SECISBP2: variants seen among roughly 807,000 people sequenced by gnomAD.
SECISBP2 encodes SECIS binding protein 2, also known as selenocysteine insertion sequence-binding protein 2.
In SECISBP2, 96 loss-of-function variants were observed where a neutral mutation model predicts 98.2. That is an observed-to-expected ratio of 0.98 (90% CI 0.83 to 1.16). The LOEUF (loss-of-function observed/expected upper bound fraction) is 1.16, where lower values mean the gene tolerates loss of function less well. Among genes scored for constraint, SECISBP2 ranks in the 50% most tolerant of loss-of-function variants. SECISBP2 has a pLI of 0.00. For synonymous variants in SECISBP2, 407 were observed against 370.2 expected, an observed-to-expected ratio of 1.10 and a Z score of -1.14; for missense variants, 1,046 against 1,022.9, an observed-to-expected ratio of 1.02 and a Z score of -0.31.
At chr9:89,358,300 A>G (rs1832412384) in intron 16 of SECISBP2, 109 bp downstream of exon 16, 1 of 1,157,132 alleles carries the variant, frequency 8.6e-7, no homozygotes, top group Non-Finnish European at 1.3e-6. Flanking sequence ...CCAGCTGAGT[A>G]GCAGGGCCTG....
At chr9:89,319,585 C>G (rs1825332294) in intron 1 of SECISBP2, 67 bp from the exon 2 acceptor site, 6 of 1,577,696 alleles carry the variant, frequency 3.8e-6, no homozygotes, top group Admixed American at 1.7e-5. Flanking sequence ...CCTCTTGGGT[C>G]TTTTTGTTTG....
In SECISBP2 at chr9:89,341,481, T is replaced by TAAGA; in HGVS notation, c.1435+3_1435+6dup. 6.2e-7 allele frequency: 1 copy of TAAGA among 1,614,146 alleles called. No homozygotes were observed. The highest frequency in any genetic ancestry group is 1.7e-5 in the Admixed American group (1 of 60,024). ...CCTCCAAACCAGTGGTAGTCTCAGGTAAGAGAGTCTTTCCATCTCAGGCAA... is the reference window on the plus strand; with the variant it reads ...CCTCCAAACCAGTGGTAGTCTCAGGTAAGAAAGAGAGTCTTTCCATCTCAGGCAA... On this transcript the variant is annotated splice_region_variant and intron_variant, in intron 10 of 16. Transcript: ENST00000375807.
downstream of SECISBP2, among the ~76,000 whole-genome samples, chr9:89,359,927 A>G (rs1832635512): frequency 1.3e-5 from 2 of 152,114 alleles, no homozygotes; most frequent in Admixed American, 1.3e-4. Flanking sequence ...TGCTTTTTGT[A>G]TTGTTTTGGC....
chr9:89,326,643 T>A (rs1826751930), intron 4 of SECISBP2, among the ~76,000 whole-genome samples: 1 of 152,222 alleles, frequency 6.6e-6, no homozygotes, highest in African/African-American at 2.4e-5. Context: ...AGAATTATAG[T>A]CATGCCTCAC....
Position 89,336,081 on chromosome 9 carries a change from C to CTTTTTTTTTTTTTTT in SECISBP2, c.1089+1364_1089+1378dup, listed in dbSNP as rs59799418. 2.1e-3 allele frequency among the ~76,000 whole-genome samples: 69 copies of CTTTTTTTTTTTTTTT among 33,058 alleles called. 12 individuals carry two copies. The highest frequency in any genetic ancestry group is 3.1e-3 in the African/African-American group (26 of 8,362). The allele number at this position is 33,058 out of a possible 152,430, so 21.7% of individuals were successfully genotyped here. On this transcript the variant is annotated intron_variant, in intron 7 of 16. Transcript: ENST00000375807. Reference sequence around the variant, plus strand: ...TTTTTCCCTTAAGTAATTTTAAGTGCTTTTTTTTTTTTTTTTTTTTTTTTT... The same window carrying CTTTTTTTTTTTTTTT: ...TTTTTCCCTTAAGTAATTTTAAGTGCTTTTTTTTTTTTTTTTTTTTTTTTTTTTTTTTTTTTTTTT...
At chr9:89,320,380 A>T (rs908993767) in intron 2 of SECISBP2, among the ~76,000 whole-genome samples, 1 of 118,278 alleles carries the variant, frequency 8.5e-6, no homozygotes, top group Non-Finnish European at 1.9e-5. Flanking sequence ...AAAAAAAAAA[A>T]TCCCGTTTCA....
At chr9:89,345,242 A>C (rs1587966453) in intron 10 of SECISBP2, among the ~76,000 whole-genome samples, 1 of 152,230 alleles carries the variant, frequency 6.6e-6, no homozygotes, top group African/African-American at 2.4e-5. Flanking sequence ...CGGCAGCCTC[A>C]GACTGGCCAT....
chr9:89,320,657 G>A (rs1192894040), intron 2 of SECISBP2, among the ~76,000 whole-genome samples: 2 of 152,134 alleles, frequency 1.3e-5, no homozygotes, highest in African/African-American at 2.4e-5. Context: ...TCAGGCTTAA[G>A]TTCTTCTAAA....
downstream of SECISBP2, among the ~76,000 whole-genome samples, chr9:89,360,512 T>C (rs1832680715): frequency 6.6e-6 from 1 of 152,220 alleles, no homozygotes; most frequent in African/African-American, 2.4e-5. Context: ...GCTCTCTAGT[T>C]CTGTGATATT....
chr9:89,358,683 G>A (rs997063097), intron 16 of SECISBP2, 38 bp from the exon 17 acceptor site: 2 of 1,362,884 alleles, frequency 1.5e-6, no homozygotes, highest in Non-Finnish European at 2.1e-6. Flanking sequence ...CCTACTTGTT[G>A]ATGCCTATTC....
downstream of SECISBP2, chr9:89,362,300 TCA>T (rs1832818222): frequency 2.1e-5 from 33 of 1,602,654 alleles, no homozygotes; most frequent in Non-Finnish European, 2.6e-5. Context: ...GCAAGACAGT[TCA>T]CAGTTGTGGG....
chr9:89,345,765 G>A (rs1830330477), intron 10 of SECISBP2, among the ~76,000 whole-genome samples: 1 of 152,164 alleles, frequency 6.6e-6, no homozygotes, highest in Admixed American at 6.5e-5. Flanking sequence ...GGGACCGGGT[G>A]AGTGAGCACC....
chr9:89,364,122 C>T (rs939225627), downstream of SECISBP2: 10 of 1,400,218 alleles, frequency 7.1e-6, no homozygotes, highest in African/African-American at 1.4e-5. Flanking sequence ...CCATGGCCAG[C>T]GGGAGCCTTG....
chr9:89,354,554 C>G (rs1831774689), intron 14 of SECISBP2, among the ~76,000 whole-genome samples: 1 of 152,174 alleles, frequency 6.6e-6, no homozygotes, highest in Non-Finnish European at 1.5e-5. Flanking sequence ...CTGCCTAGCA[C>G]ACACAAAGTT....
intron 7 of SECISBP2, among the ~76,000 whole-genome samples, chr9:89,334,943 G>A (rs1011269640): frequency 2.0e-5 from 3 of 152,194 alleles, no homozygotes; most frequent in Admixed American, 1.3e-4. Flanking sequence ...GGCCGGGTGC[G>A]GTGGCTTACG....
intron 13 of SECISBP2, 62 bp from the exon 14 acceptor site, chr9:89,350,570 G>A: frequency 1.4e-6 from 2 of 1,431,328 alleles, no homozygotes; most frequent in Admixed American, 3.3e-5. Context: ...GGGGTGGGAT[G>A]GGAGCAGTGC....
At chr9:89,335,409 T>C (rs1828495037) in intron 7 of SECISBP2, among the ~76,000 whole-genome samples, 1 of 151,392 alleles carries the variant, frequency 6.6e-6, no homozygotes. Context: ...CTTGGCTCAC[T>C]GCAAGCTCCG....
intron 2 of SECISBP2, chr9:89,323,926 C>T (rs887079471): frequency 3.9e-5 from 6 of 152,212 alleles, no homozygotes; most frequent in African/African-American, 1.4e-4. Context: ...GCTAGGACCC[C>T]AACCAAGGTC....
At chr9:89,319,454 C>T (rs762770761) in intron 1 of SECISBP2, among the ~76,000 whole-genome samples, 198 bp from the exon 2 acceptor site, 7 of 151,666 alleles carry the variant, frequency 4.6e-5, no homozygotes, top group Non-Finnish European at 7.4e-5. Flanking sequence ...AATGTTTGAA[C>T]TACTGCCTTT....
Sources: allele counts gnomAD v4.1 joint callset (sites outside exome capture counted in the v4.1 genomes callset), GRCh38; gene constraint gnomAD v4.1.1; transcripts MANE v1.5; gene names NCBI Gene and HGNC (gene_info 2026-07-23, HGNC 2026-07-21).